PHLDB1: variants seen among roughly 807,000 people sequenced by gnomAD.
PHLDB1 encodes the protein pleckstrin homology-like domain family B member 1.
Under a neutral mutation model 139.3 loss-of-function variants are expected in PHLDB1, and 65 were observed. That is an observed-to-expected ratio of 0.47 (90% CI 0.38 to 0.57). The LOEUF is 0.57. Among genes scored for constraint, PHLDB1 ranks in the 20% least tolerant of loss-of-function variants. The pLI is 0.00. For missense variants in PHLDB1, 1,624 were observed against 1,839.7 expected (o/e 0.88, Z 2.14); for synonymous variants, 679 against 734.5 (o/e 0.92, Z 1.22).
chr11:118,628,756 C>A, intron 6 of PHLDB1, 106 bp downstream of exon 6: 1 of 1,044,146 alleles, frequency 9.6e-7, no homozygotes. Context: ...AGGGCTTCGG[C>A]TTCTCAAGGT....
Position 118,628,598 on chromosome 11 carries a change from A to G in PHLDB1, c.1775A>G (p.Tyr592Cys). Reference protein sequence around the residue: ...ISDNEDDLLEYHRRQRQERLR... With the variant: ...ISDNEDDLLECHRRQRQERLR... ...GACAATGAGGACGACCTCCTGGAGT[A>G]CCACCGGCGACAGCGCCAAGAGCGG... Residue 592 changes from tyrosine (Y) to cysteine (C), a missense_variant, in exon 6 of 23, where the codon TAC becomes TGC. Coordinates refer to ENST00000600882, the MANE Select transcript of PHLDB1 (RefSeq NM_001144758.3). The G allele has an allele frequency of 6.2e-7, 1 of 1,612,524 alleles. No individual in the cohort carries two copies. Among genetic ancestry groups the G allele is most frequent in the Non-Finnish European group, 8.5e-7 (1 of 1,179,826 alleles).
At position 118,627,541 on chromosome 11, in the gene PHLDB1, G is replaced by C. The variant is rs781979180; in HGVS notation, c.718G>C (p.Gly240Arg). The C allele has an allele frequency of 2.5e-6, 4 of 1,614,012 alleles. No homozygotes were observed. The Admixed American group carries it at 6.7e-5, about 27-fold the overall frequency. ...RYLLSPPTSP[G>R]AMSVGSSYEN... ...CCTGCTGTCTCCCCCAACCAGCCCC[G>C]GCGCCATGTCTGTGGGCTCCAGCTA... Residue 240 changes from glycine (G) to arginine (R), a missense_variant, in exon 6 of 23, where the codon GGC (glycine) becomes CGC (arginine). By Grantham distance (125) the Gly-to-Arg change is moderately radical. Transcript: ENST00000600882.
At chr11:118,617,330 CTG>C (rs1555090565) in intron 4 of PHLDB1, among the ~76,000 whole-genome samples, 1 of 152,166 alleles carries the variant, frequency 6.6e-6, no homozygotes, top group Non-Finnish European at 1.5e-5. Flanking sequence ...GCATTGTTTT[CTG>C]GGGGCTCTTA....
rs1171322990 is a variant in PHLDB1 at position 118,608,102 on chromosome 11, C to G, written c.-22+403C>G. Among the ~76,000 whole-genome samples, 1 of 152,056 alleles carries G rather than the reference C, an allele frequency of 6.6e-6. No homozygotes were observed. Among genetic ancestry groups the G allele is most frequent in the Non-Finnish European group, 1.5e-5 (1 of 67,974 alleles). The stretch of plus-strand genomic sequence containing the variant: ...CGTCCTCCAGCGCCCCACACCTCCC[C>G]CTCTCCGCCCACAGCAGGACCTTGG... On this transcript the variant is annotated intron_variant, in intron 1 of 22. Transcript: ENST00000600882. The surrounding 1 kb of genome is among the most constrained non-coding windows in gnomAD (Gnocchi z 6.7).
intron 1 of PHLDB1, among the ~76,000 whole-genome samples, chr11:118,609,341 CA>C: frequency 6.8e-6 from 1 of 147,610 alleles, no homozygotes; most frequent in African/African-American, 2.5e-5. Flanking sequence ...CTCACACACA[CA>C]GCCCATCACA....
At position 118,645,459 on chromosome 11, in the gene PHLDB1, C is replaced by T. The variant is rs1488624186; in HGVS notation, c.3225C>T (p.Pro1075=). 1.2e-6 allele frequency: 2 copies of T among 1,608,150 alleles called. No homozygotes were observed. The highest frequency in any genetic ancestry group is 2.7e-5 in the African/African-American group (2 of 74,888). The part of the protein sequence containing the change: ...CQWDALHGAA[P]FPAGPSGFPP... The stretch of plus-strand genomic sequence containing the variant: ...GGGATGCCCTTCACGGGGCAGCACC[C>T]TTCCCAGCGGGCCCCTCGGGCTTCC... The change falls in exon 16 of 23, where the codon CCC becomes CCT. Residue 1075 remains proline (P), a synonymous_variant. Transcript: ENST00000600882. The surrounding 1 kb of genome is among the most constrained non-coding windows in gnomAD (Gnocchi z 5.1).
intron 20 of PHLDB1, chr11:118,652,847 CTTAG>C (rs782268481): frequency 1.3e-5 from 2 of 152,316 alleles, no homozygotes; most frequent in African/African-American, 2.4e-5. Flanking sequence ...CATATGTGGC[CTTAG>C]TTAGCGCCTG....
intron 10 of PHLDB1, chr11:118,636,974 A>G (rs1276774922): frequency 1.3e-5 from 2 of 152,072 alleles, no homozygotes; most frequent in Non-Finnish European, 2.9e-5. Context: ...ATTCTTCCCC[A>G]TGCTCCTCCT....
At position 118,628,156 on chromosome 11, in the gene PHLDB1, C is replaced by T. The variant is rs781785204; in HGVS notation, c.1333C>T (p.Arg445Cys). 2.1e-5 allele frequency: 34 copies of T among 1,613,990 alleles called. 1 individual carries two copies. The highest frequency in any genetic ancestry group is 5.0e-5 in the Admixed American group (3 of 60,006). Residue 445 changes from arginine (R) to cysteine (C), a missense_variant, in exon 6 of 23, where the codon CGC (arginine) becomes TGC (cysteine). By Grantham distance (180) the Arg-to-Cys change is radical. Transcript: ENST00000600882. ...TRTLQPPESP[R>C]LGRRGLDSMR... ...TACCCTGCAGCCTCCTGAGAGTCCC[C>T]GCCTGGGCCGGCGGGGCCTGGACAG...
intron 4 of PHLDB1, among the ~76,000 whole-genome samples, chr11:118,622,556 G>A (rs1420305264): frequency 6.6e-6 from 1 of 152,176 alleles, no homozygotes; most frequent in East Asian, 1.9e-4. Context: ...GGCCCAGGCA[G>A]AGGATCCCTA....
At chr11:118,646,457 T>G (rs1257002771) in intron 17 of PHLDB1, 1 of 152,484 alleles carries the variant, frequency 6.6e-6, no homozygotes, top group African/African-American at 2.4e-5. Flanking sequence ...TACAGGAATT[T>G]TGATTCCTGT....
At chr11:118,641,703 C>T in intron 12 of PHLDB1, 1 of 1,289,586 alleles carries the variant, frequency 7.8e-7, no homozygotes, top group South Asian at 1.2e-5. Flanking sequence ...GGGCCTCCGC[C>T]TCCCGGGACC....
At chr11:118,643,712 G>A in intron 13 of PHLDB1, 88 bp from the exon 14 acceptor site, 1 of 1,605,466 alleles carries the variant, frequency 6.2e-7, no homozygotes. Context: ...TGCCAGGGCG[G>A]TACGTCAGAT....
In PHLDB1 at chr11:118,625,838, T is replaced by G. The variant is rs185325580; in HGVS notation, c.481+779T>G. 2.7e-3 allele frequency among the ~76,000 whole-genome samples: 407 copies of G among 152,254 alleles called. 3 individuals carry two copies. Among genetic ancestry groups the G allele is most frequent in the African/African-American group, 8.0e-3 (333 of 41,528 alleles). On this transcript the variant is annotated intron_variant, in intron 5 of 22. Coordinates refer to ENST00000600882, the MANE Select transcript of PHLDB1 (RefSeq NM_001144758.3). ...TCCCCTCTGACTATATCCCACACAG[T>G]CTCCATAATTTTGGACCCAAACTCA...
At chr11:118,619,173 G>A (rs1270819498) in intron 4 of PHLDB1, among the ~76,000 whole-genome samples, 1 of 152,126 alleles carries the variant, frequency 6.6e-6, no homozygotes, top group Non-Finnish European at 1.5e-5. Flanking sequence ...AAAGATCTGG[G>A]AGGGAACCAA....
At chr11:118,647,433 G>T (rs1947688916) in intron 17 of PHLDB1, 1 of 152,768 alleles carries the variant, frequency 6.5e-6, no homozygotes, top group South Asian at 2.1e-4. Flanking sequence ...AGTTTAAATG[G>T]CTGGGTGCGA....
intron 5 of PHLDB1, among the ~76,000 whole-genome samples, chr11:118,625,462 C>T (rs1287078857): frequency 2.0e-5 from 3 of 152,188 alleles, no homozygotes; most frequent in African/African-American, 7.2e-5. Context: ...CCTTGGGCCT[C>T]GCCCAACCCT....
intron 6 of PHLDB1, among the ~76,000 whole-genome samples, chr11:118,629,432 G>A (rs1275883414): frequency 1.3e-5 from 2 of 152,230 alleles, no homozygotes; most frequent in Non-Finnish European, 2.9e-5. Context: ...GGAGCTTAAG[G>A]GGCTCTGGCT....
chr11:118,650,887 G>C lies in PHLDB1; in HGVS notation c.3874+340G>C. 3.2e-6 allele frequency: 1 copy of C among 317,272 alleles called. No homozygotes were observed. 19.7% of individuals were successfully genotyped at this position (317,272 alleles called of 1,614,324 possible). A position where few individuals can be genotyped will look rare whatever the true frequency, so the allele number is the denominator to read the frequency against. On this transcript the variant is annotated intron_variant, in intron 20 of 22. Coordinates refer to ENST00000600882, the MANE Select transcript of PHLDB1 (RefSeq NM_001144758.3). This position sits in a 1 kb window ranked among gnomAD's most constrained non-coding sequence, Gnocchi z 4.7. The stretch of plus-strand genomic sequence containing the variant: ...GATAACCACGCACAATGGGTATGCT[G>C]ATAGGAGACATCCAGGCACTGCAGG...
Sources: gnomAD v4.1 joint callset for allele counts (sites outside exome capture counted in the v4.1 genomes callset) on GRCh38, gnomAD v4.1.1 for gene constraint, Gnocchi (gnomAD v3.1) non-coding constraint, MANE v1.5 for transcripts, NCBI Gene and HGNC (gene_info 2026-07-23, HGNC 2026-07-21) for gene names.